MAGI1: variants seen among roughly 807,000 people sequenced by gnomAD.
MAGI1 encodes membrane-associated guanylate kinase, WW and PDZ domain-containing protein 1.
In MAGI1, 58 loss-of-function variants were observed where a neutral mutation model predicts 139.9. The ratio of observed to expected loss-of-function variants is 0.41; its 90% CI spans 0.34 to 0.52. The LOEUF (loss-of-function observed/expected upper bound fraction) is 0.52, where lower values mean the gene tolerates loss of function less well. Ranked by LOEUF, MAGI1 falls within the 20% of genes least tolerant of loss-of-function variation. MAGI1 has a pLI of 0.12. For missense variants in MAGI1, 1,874 were observed against 1,901.6 expected, an observed-to-expected ratio of 0.99 and a Z score of 0.27; for synonymous variants, 812 against 737.9, an observed-to-expected ratio of 1.10 and a Z score of -1.63.
At chr3:65,387,837 T>G (rs1943578152) in intron 14 of MAGI1, among the ~76,000 whole-genome samples, 1 of 152,232 alleles carries the variant, frequency 6.6e-6, no homozygotes, top group Non-Finnish European at 1.5e-5. Flanking sequence ...CAATCGCCAC[T>G]TCCAAACTTG....
At chr3:65,950,607 T>C (rs2063789660) in intron 1 of MAGI1, among the ~76,000 whole-genome samples, 1 of 152,214 alleles carries the variant, frequency 6.6e-6, no homozygotes, top group South Asian at 2.1e-4. Context: ...AATTAAACTC[T>C]GTTGTTATAC....
At chr3:66,031,845 C>G (rs28509366) in intron 1 of MAGI1, among the ~76,000 whole-genome samples, 111,708 of 151,822 alleles carry the variant, frequency 0.74, 41,888 homozygotes, top group East Asian at 0.85. Context: ...CATTTTTAGG[C>G]ATGAGGACAC....
intron 1 of MAGI1, among the ~76,000 whole-genome samples, chr3:65,947,938 CTT>C (rs763826259): frequency 7.0e-5 from 9 of 127,866 alleles, no homozygotes; most frequent in Non-Finnish European, 1.7e-5. Context: ...ATATCTTTCT[CTT>C]TTTTTTTTTT....
At chr3:66,005,567 A>T (rs2107469679) in intron 1 of MAGI1, among the ~76,000 whole-genome samples, 1 of 151,948 alleles carries the variant, frequency 6.6e-6, no homozygotes. Context: ...AGCACTTCCC[A>T]CTCAGCACTA....
intron 1 of MAGI1, among the ~76,000 whole-genome samples, chr3:65,961,693 C>T (rs2064432412): frequency 6.6e-6 from 1 of 152,152 alleles, no homozygotes. Context: ...AAACAGGGTT[C>T]CTTGTATTCA....
chr3:66,028,837 AAG>A (rs1487041349), intron 1 of MAGI1, among the ~76,000 whole-genome samples: 2 of 152,088 alleles, frequency 1.3e-5, no homozygotes, highest in East Asian at 1.9e-4. Flanking sequence ...AAGCAGAAAA[AAG>A]AGTGTTTTTT....
intron 12 of MAGI1, among the ~76,000 whole-genome samples, chr3:65,419,754 G>T (rs186711139): frequency 2.0e-3 from 292 of 149,324 alleles, no homozygotes; most frequent in African/African-American, 6.8e-3. Flanking sequence ...CTTTCCTTCA[G>T]TTGGGGTCAG....
chr3:65,430,188 T>C (rs1425246568), intron 11 of MAGI1, 48 bp from the exon 12 acceptor site: 3 of 1,584,034 alleles, frequency 1.9e-6, no homozygotes, highest in Admixed American at 1.7e-5. Context: ...ACCCAGAAAA[T>C]TGTCATCAGT....
intron 2 of MAGI1, among the ~76,000 whole-genome samples, chr3:65,548,322 G>A (rs2079601401): frequency 6.6e-6 from 1 of 152,016 alleles, no homozygotes; most frequent in Non-Finnish European, 1.5e-5. Flanking sequence ...GGACAAGAGG[G>A]GCAGTTGGCA....
At position 65,494,886 on chromosome 3, in the gene MAGI1, ATTC is replaced by A. The variant is rs150426128; in HGVS notation, c.431-1258_431-1256del. ...GCAAAATGTATTTTTAGTGCACATAATTCTTCTATCTGAAATCTGAATATTTTA... is the reference window on the plus strand; with the variant it reads ...GCAAAATGTATTTTTAGTGCACATAATTCTATCTGAAATCTGAATATTTTA... On this transcript the variant is annotated intron_variant, in intron 2 of 22. Coordinates refer to ENST00000402939, the MANE Select transcript of MAGI1 (RefSeq NM_001033057.2). 7.3e-3 allele frequency among the ~76,000 whole-genome samples: 1,111 copies of A among 152,342 alleles called. 13 individuals are homozygous for A. The highest frequency in any genetic ancestry group is 0.026 in the African/African-American group (1,063 of 41,570).
At chr3:65,912,534 A>C (rs10446495) in intron 1 of MAGI1, among the ~76,000 whole-genome samples, 12,740 of 152,280 alleles carry the variant, frequency 0.084, 713 homozygotes, top group East Asian at 0.24. Flanking sequence ...ACAGGTAACA[A>C]AAAAATGTTT....
intron 1 of MAGI1, among the ~76,000 whole-genome samples, chr3:65,883,147 C>A (rs11923705): frequency 0.2 from 30,352 of 151,952 alleles, 3,186 homozygotes; most frequent in Middle Eastern, 0.3. Context: ...ACAGGTCTGG[C>A]AATACCACAG....
intron 1 of MAGI1, among the ~76,000 whole-genome samples, chr3:65,655,994 AC>A (rs2085853983): frequency 6.6e-6 from 1 of 152,156 alleles, no homozygotes; most frequent in Admixed American, 6.6e-5. Context: ...TTCACTGATA[AC>A]CCAGAAAGCT....
At chr3:65,565,274 T>C (rs2080561807) in intron 2 of MAGI1, among the ~76,000 whole-genome samples, 1 of 152,152 alleles carries the variant, frequency 6.6e-6, no homozygotes, top group South Asian at 2.1e-4. Context: ...CAATAGAAAA[T>C]AATTATTTTT....
chr3:65,625,387 T>C (rs1394832939), intron 1 of MAGI1, among the ~76,000 whole-genome samples: 4 of 152,024 alleles, frequency 2.6e-5, no homozygotes, highest in Admixed American at 6.6e-5. Context: ...CTTTAGAGAG[T>C]TGAAGTAAAG....
At chr3:65,875,361 T>G (rs754633023) in intron 1 of MAGI1, among the ~76,000 whole-genome samples, 5 of 152,244 alleles carry the variant, frequency 3.3e-5, no homozygotes, top group African/African-American at 4.8e-5. Context: ...TTGTAAACTT[T>G]AAATGAGTGA....
chr3:65,528,646 A>C (rs956627607), intron 2 of MAGI1, among the ~76,000 whole-genome samples: 2 of 152,228 alleles, frequency 1.3e-5, no homozygotes, highest in Non-Finnish European at 2.9e-5. Context: ...AGCACTTTGC[A>C]GGATGTGTAG....
intron 2 of MAGI1, among the ~76,000 whole-genome samples, chr3:65,526,817 C>G (rs2078404726): frequency 1.3e-5 from 2 of 152,138 alleles, no homozygotes; most frequent in Admixed American, 1.3e-4. Context: ...CTACAATCCT[C>G]TAATAGTTAA....
At chr3:65,645,057 G>A (rs1038516624) in intron 1 of MAGI1, among the ~76,000 whole-genome samples, 43 of 149,740 alleles carry the variant, frequency 2.9e-4, no homozygotes, top group African/African-American at 9.3e-4. Flanking sequence ...AAAAGAAACA[G>A]AGCCTCAGGG....
Sources: allele counts gnomAD v4.1 joint callset (sites outside exome capture counted in the v4.1 genomes callset), GRCh38; gene constraint gnomAD v4.1.1; transcripts MANE v1.5; gene names NCBI Gene and HGNC (gene_info 2026-07-23, HGNC 2026-07-21).